Variants in FREM2 observed in about 807,000 individuals in gnomAD.
FREM2 encodes the protein FRAS1 related extracellular matrix 2.
A neutral mutation model predicts 219.9 loss-of-function variants in FREM2; 119 were observed. The ratio of observed to expected loss-of-function variants is 0.54; its 90% CI spans 0.47 to 0.63. The LOEUF (loss-of-function observed/expected upper bound fraction) is 0.63, where lower values mean the gene tolerates loss of function less well. FREM2 is among the 30% of genes least tolerant of loss of function. The pLI is 0.00. For synonymous variants in FREM2, 1,562 were observed against 1,522.8 expected (o/e 1.03, Z -0.60); for missense variants, 4,030 against 3,993.6 (o/e 1.01, Z -0.25).
chr13:38,871,463 A>G (rs1479589180), intron 16 of FREM2, among the ~76,000 whole-genome samples: 2 of 152,082 alleles, frequency 1.3e-5, no homozygotes, highest in Non-Finnish European at 2.9e-5. Flanking sequence ...TTGTCCTACT[A>G]TTGTGCAGAG....
chr13:38,772,666 A>G (rs759130600), intron 4 of FREM2, among the ~76,000 whole-genome samples: 1 of 150,896 alleles, frequency 6.6e-6, no homozygotes, highest in Non-Finnish European at 1.5e-5. Context: ...TTCCAAAATT[A>G]TATGACAAAA....
rs149698530 is a variant in FREM2, at chr13:38,732,003, T to C, written c.5264-32301T>C. 4.0e-3 allele frequency among the ~76,000 whole-genome samples: 604 copies of C among 152,330 alleles called. 4 individuals are homozygous for C. The highest frequency in any genetic ancestry group is 0.014 in the African/African-American group (581 of 41,570). ...ATCTTGAGATGTGTCACATAGAGCT[T>C]GGAAATGAATATCCATACCACCAGT... On this transcript the variant is annotated intron_variant, in intron 2 of 23. Coordinates refer to ENST00000280481, the MANE Select transcript of FREM2 (RefSeq NM_207361.6).
chr13:38,848,354 T>G, intron 7 of FREM2, 107 bp from the exon 8 acceptor site: 5 of 838,318 alleles, frequency 6.0e-6, no homozygotes, highest in Non-Finnish European at 8.0e-6. Flanking sequence ...TATGCTGGTC[T>G]CTATTTTTTA....
chr13:38,875,235 G>A lies in FREM2; in HGVS notation c.8281+649G>A, dbSNP rs192536162. Among the ~76,000 whole-genome samples the A allele has an allele frequency of 3.0e-3, 450 of 151,152 alleles. 1 individual carries two copies. Among genetic ancestry groups the A allele is most frequent in the Non-Finnish European group, 4.7e-3 (319 of 67,812 alleles). On this transcript the variant is annotated intron_variant, in intron 18 of 23. Transcript: ENST00000280481. ...CTCCATATTACCAGTTTAGTAACAT[G>A]GAGAGTCAAATAAAAAATAAGCCAT...
chr13:38,717,633 T>C (rs961143002), intron 2 of FREM2, among the ~76,000 whole-genome samples: 1 of 151,836 alleles, frequency 6.6e-6, no homozygotes, highest in African/African-American at 2.4e-5. Flanking sequence ...GCCAGGCTGG[T>C]CTTGAACTCT....
intron 2 of FREM2, among the ~76,000 whole-genome samples, chr13:38,737,462 C>A (rs1872044607): frequency 6.6e-6 from 1 of 152,204 alleles, no homozygotes. Context: ...ATCCACCATC[C>A]ATAAAACTAC....
chr13:38,758,391 C>T (rs1426840786), intron 2 of FREM2, among the ~76,000 whole-genome samples: 1 of 152,236 alleles, frequency 6.6e-6, no homozygotes, highest in Non-Finnish European at 1.5e-5. Flanking sequence ...AACACTATCT[C>T]TTCCATGAGT....
At chr13:38,813,965 A>G (rs1377153340) in intron 6 of FREM2, among the ~76,000 whole-genome samples, 1 of 151,950 alleles carries the variant, frequency 6.6e-6, no homozygotes, top group Non-Finnish European at 1.5e-5. Flanking sequence ...TGCTTGATCG[A>G]TTCCAATATT....
intron 6 of FREM2, among the ~76,000 whole-genome samples, chr13:38,789,571 T>G (rs1874475750): frequency 6.6e-6 from 1 of 151,100 alleles, no homozygotes; most frequent in Non-Finnish European, 1.5e-5. Flanking sequence ...AAAAAAAGAA[T>G]AGAAATTTTT....
intron 2 of FREM2, among the ~76,000 whole-genome samples, chr13:38,739,186 T>A (rs1358932885): frequency 6.6e-6 from 1 of 152,180 alleles, no homozygotes; most frequent in Admixed American, 6.5e-5. Flanking sequence ...ATCATCATCA[T>A]CACTATTTTG....
At chr13:38,760,191 C>G (rs1472264850) in intron 2 of FREM2, among the ~76,000 whole-genome samples, 1 of 152,146 alleles carries the variant, frequency 6.6e-6, no homozygotes, top group East Asian at 1.9e-4. Context: ...AGTGGGAATT[C>G]TAAATTTTCT....
At chr13:38,833,983 A>G (rs1200499000) in intron 6 of FREM2, among the ~76,000 whole-genome samples, 1 of 152,164 alleles carries the variant, frequency 6.6e-6, no homozygotes, top group African/African-American at 2.4e-5. Context: ...AGGAGAGGAA[A>G]AAATTTCAAA....
intron 3 of FREM2, among the ~76,000 whole-genome samples, chr13:38,764,933 C>T (rs1269537101): frequency 3.3e-5 from 5 of 152,110 alleles, no homozygotes; most frequent in African/African-American, 1.2e-4. Context: ...TTGTTTGAGA[C>T]GGAGGCTCGC....
Position 38,688,498 on chromosome 13 carries a change from A to G in FREM2, c.1154A>G (p.Gln385Arg), listed in dbSNP as rs1869613872. ...DRSLPLSSFT[Q>R]RDLRLLKIAY... ...AGCCTGCCCCTTTCCTCCTTCACTC[A>G]GAGGGATCTGCGGCTCCTGAAGATT... Residue 385 changes from glutamine (Q) to arginine (R), a missense_variant, in exon 1 of 24, where the codon CAG becomes CGG. This residue lies in a region of FREM2 where 3,102 missense variants were observed against 2,950.7 expected (regional missense o/e 1.05). Coordinates refer to ENST00000280481, the MANE Select transcript of FREM2 (RefSeq NM_207361.6). The G allele has an allele frequency of 1.2e-6, 2 of 1,613,870 alleles. No homozygotes were observed. The highest frequency in any genetic ancestry group is 2.7e-5 in the African/African-American group (2 of 74,870).
chr13:38,849,479 C>T (rs1305943590), intron 8 of FREM2, among the ~76,000 whole-genome samples: 1 of 152,146 alleles, frequency 6.6e-6, no homozygotes, highest in African/African-American at 2.4e-5. Flanking sequence ...TGGGACAACC[C>T]TCTGCTGGAC....
At chr13:38,827,223 CTT>C (rs894856681) in intron 6 of FREM2, among the ~76,000 whole-genome samples, 5 of 152,072 alleles carry the variant, frequency 3.3e-5, no homozygotes, top group African/African-American at 1.2e-4. Context: ...CTCTCTGAGT[CTT>C]GACTTAATTT....
chr13:38,864,531 A>T lies in FREM2; in HGVS notation c.7908A>T (p.Leu2636Phe), dbSNP rs1477581598. Reference protein sequence around the residue: ...FYRNLNLEACLWEFVSYYDMS... With the variant: ...FYRNLNLEACFWEFVSYYDMS... ...GGAACCTGAACCTAGAGGCCTGTTT[A>T]TGGGAGTTCGTTAGCTACTATGACA... The change falls in exon 16 of 24, where the codon TTA becomes TTT. Residue 2636 changes from leucine (L) to phenylalanine (F), a missense_variant. Physicochemically the swap from Leu to Phe is conservative, Grantham distance 22. Around this residue, in one of 2 missense-constraint regions of FREM2, gnomAD observed 928 missense variants for 1,042.9 expected, o/e 0.89. Coordinates refer to ENST00000280481, the MANE Select transcript of FREM2 (RefSeq NM_207361.6). 2 of 1,614,254 alleles carry T rather than the reference A, an allele frequency of 1.2e-6. No homozygotes were observed. The highest frequency in any genetic ancestry group is 1.1e-5 in the South Asian group (1 of 91,092).
intron 6 of FREM2, among the ~76,000 whole-genome samples, chr13:38,844,986 C>G (rs1003255875): frequency 1.3e-5 from 2 of 152,150 alleles, no homozygotes; most frequent in Non-Finnish European, 2.9e-5. Context: ...ACACCTTCAT[C>G]TATACACATT....
At position 38,687,449 on chromosome 13, in the gene FREM2, G is replaced by T. The variant is rs766742509; in HGVS notation, c.105G>T (p.Leu35=). The T allele has an allele frequency of 8.9e-5, 142 of 1,593,366 alleles. No individual in the cohort carries two copies. Among genetic ancestry groups the T allele is most frequent in the Middle Eastern group, 1.7e-4 (1 of 6,058 alleles). The change falls in exon 1 of 24, where the codon CTG becomes CTT. Residue 35 remains leucine (L), a synonymous_variant. Transcript: ENST00000280481. ...CGCCCCGGCTGCTGCTGCTGCTGCT[G>T]CTTCTCCTGTCACTGGTAAGCCGCG... ...PPPPRLLLLL[L]LLLSLVSRVP... is the part of the protein sequence containing the mutation.
Sources: gnomAD v4.1 joint callset for allele counts (sites outside exome capture counted in the v4.1 genomes callset) on GRCh38, gnomAD v4.1.1 for gene constraint, gnomAD v4.1.1 regional missense constraint, MANE v1.5 for transcripts, NCBI Gene and HGNC (gene_info 2026-07-23, HGNC 2026-07-21) for gene names.